Variants in TNRC6B observed in about 807,000 individuals in gnomAD.
The protein encoded by TNRC6B is trinucleotide repeat containing adaptor 6B.
Under a neutral mutation model 203.6 loss-of-function variants are expected in TNRC6B, and 52 were observed. The ratio of observed to expected loss-of-function variants is 0.26; its 90% CI spans 0.20 to 0.32. The LOEUF (loss-of-function observed/expected upper bound fraction) is 0.32. Among genes scored for constraint, TNRC6B ranks in the 10% least tolerant of loss-of-function variants. The probability of loss-of-function intolerance (pLI) is 1.00; values close to 1 mark genes in which losing one functional copy is unlikely to be tolerated. For synonymous variants in TNRC6B, 838 were observed against 845.7 expected, an observed-to-expected ratio of 0.99 and a Z score of 0.16; for missense variants, 1,923 against 2,286.2, an observed-to-expected ratio of 0.84 and a Z score of 3.24.
intron 1 of TNRC6B, among the ~76,000 whole-genome samples, chr22:40,231,862 C>G (rs1008312977): frequency 4.6e-5 from 7 of 152,182 alleles, no homozygotes; most frequent in African/African-American, 1.7e-4. Flanking sequence ...AAAGTCCTGC[C>G]TGTTGTTGCC....
At chr22:40,290,085 TC>T (rs1230410948) in intron 12 of TNRC6B, among the ~76,000 whole-genome samples, 1 of 152,214 alleles carries the variant, frequency 6.6e-6, no homozygotes, top group African/African-American at 2.4e-5. Flanking sequence ...TCCTGCCTGT[TC>T]CCCACCCTGC....
intron 1 of TNRC6B, among the ~76,000 whole-genome samples, chr22:40,211,794 C>T (rs949688519): frequency 2.6e-5 from 4 of 152,106 alleles, no homozygotes; most frequent in African/African-American, 9.7e-5. Flanking sequence ...GAGATATCTC[C>T]ATTTTATATG....
chr22:40,091,945 A>T (rs945998242), intron 1 of TNRC6B, among the ~76,000 whole-genome samples: 1 of 152,240 alleles, frequency 6.6e-6, no homozygotes, highest in Non-Finnish European at 1.5e-5. Flanking sequence ...TAGTGCCTCC[A>T]GGAACCTGCC....
intron 1 of TNRC6B, among the ~76,000 whole-genome samples, chr22:40,110,849 T>G (rs1303094762): frequency 6.6e-6 from 1 of 152,252 alleles, no homozygotes; most frequent in Non-Finnish European, 1.5e-5. Flanking sequence ...AGCTTTGTTT[T>G]TGTAAGCTCA....
chr22:40,163,998 G>A (rs1011959105), intron 4 of TNRC6B, among the ~76,000 whole-genome samples: 1 of 151,996 alleles, frequency 6.6e-6, no homozygotes, highest in African/African-American at 2.4e-5. Flanking sequence ...ATAAATATAT[G>A]TTGAATGAAT....
In TNRC6B at chr22:40,177,928, G is replaced by T; in HGVS notation, c.-208G>T. 1 of 1,353,728 alleles carries T rather than the reference G, an allele frequency of 7.4e-7. No homozygotes were observed. The highest frequency in any genetic ancestry group is 9.5e-7 in the Non-Finnish European group (1 of 1,056,416). 83.9% of individuals were successfully genotyped at this position (1,353,728 alleles called of 1,614,324 possible). A position where few individuals can be genotyped will look rare whatever the true frequency, so the allele number is the denominator to read the frequency against. On this transcript the variant is annotated 5_prime_UTR_variant, in exon 1 of 23. Transcript: ENST00000454349. Reference sequence around the variant, plus strand: ...GTCACAAAAAGCTGCTTCCTTTAGAGACAGAGAGGGAGAGAGAGAGCAAGA... The same window carrying T: ...GTCACAAAAAGCTGCTTCCTTTAGATACAGAGAGGGAGAGAGAGAGCAAGA...
chr22:40,322,759 G>A (rs554851458), intron 22 of TNRC6B, 95 bp from the exon 23 acceptor site: 20 of 1,435,698 alleles, frequency 1.4e-5, no homozygotes, highest in Admixed American at 1.3e-4. Flanking sequence ...CTAGTCAAAG[G>A]ACTGCACATT....
chr22:40,266,105 A>C lies in TNRC6B; in HGVS notation c.1875A>C (p.Gln625His). 6.2e-7 allele frequency: 1 copy of C among 1,613,918 alleles called. No individual in the cohort carries two copies. The highest frequency in any genetic ancestry group is 8.5e-7 in the Non-Finnish European group (1 of 1,179,900). Reference protein sequence around the residue: ...PRVLSNTGWGQTQIKQDTVWD... With the variant: ...PRVLSNTGWGHTQIKQDTVWD... ...TGCTCTCAAACACTGGCTGGGGCCA[A>C]ACTCAAATTAAGCAGGACACAGTGT... Residue 625 changes from glutamine (Q) to histidine (H), a missense_variant, in exon 5 of 23, where the codon CAA becomes CAC. By Grantham distance (24) the Gln-to-His change is conservative. Transcript: ENST00000454349.
intron 1 of TNRC6B, among the ~76,000 whole-genome samples, chr22:40,058,469 C>T (rs751147693): frequency 7.4e-5 from 11 of 148,776 alleles, no homozygotes; most frequent in Admixed American, 1.3e-4. Context: ...CGCCAGCCTG[C>T]GCTTCCTGAA....
chr22:40,266,051 T>G lies in TNRC6B; in HGVS notation c.1821T>G (p.Leu607=). The change falls in exon 5 of 23, where the codon CTT becomes CTG. Residue 607 remains leucine (L), a synonymous_variant. Coordinates refer to ENST00000454349, the MANE Select transcript of TNRC6B (RefSeq NM_001162501.2). Reference sequence around the variant, plus strand: ...ATTGTCAGGCTGTCTTGCAGACTCTTTTGAGCCGAACTGATTTGGACCCCA... The same window carrying G: ...ATTGTCAGGCTGTCTTGCAGACTCTGTTGAGCCGAACTGATTTGGACCCCA... The part of the protein sequence containing the change: ...HPDCQAVLQT[L]LSRTDLDPRV... 1 of 1,613,712 alleles carries G rather than the reference T, an allele frequency of 6.2e-7. No individual in the cohort carries two copies. Among genetic ancestry groups the G allele is most frequent in the Non-Finnish European group, 8.5e-7 (1 of 1,179,898 alleles).
rs149784504 is a variant in TNRC6B at position 40,193,371 on chromosome 22, T to G, written c.5+15231T>G. On this transcript the variant is annotated intron_variant, in intron 1 of 22. Transcript: ENST00000454349. ...TGACTTGAAACAACTCAGCAAATAA[T>G]TAGGAGTGCCTCATATGCTCCAGGA... 2.5e-4 allele frequency among the ~76,000 whole-genome samples: 38 copies of G among 152,294 alleles called. No individual in the cohort carries two copies. In the Middle Eastern group the frequency reaches 0.014, roughly 55 times the overall value.
chr22:40,263,918 C>T (rs550373113), intron 4 of TNRC6B, among the ~76,000 whole-genome samples: 3 of 152,192 alleles, frequency 2.0e-5, no homozygotes, highest in African/African-American at 7.2e-5. Context: ...GCCTAAAAGA[C>T]GCTAACATGG....
intron 1 of TNRC6B, among the ~76,000 whole-genome samples, chr22:40,229,173 G>C (rs2069833238): frequency 6.6e-6 from 1 of 152,202 alleles, no homozygotes; most frequent in Non-Finnish European, 1.5e-5. Flanking sequence ...TTAAAACAAT[G>C]AGATGTAAAG....
At chr22:40,211,141 C>G (rs1042794087) in intron 1 of TNRC6B, among the ~76,000 whole-genome samples, 3 of 152,014 alleles carry the variant, frequency 2.0e-5, no homozygotes, top group African/African-American at 7.3e-5. Context: ...GAGACAGGAT[C>G]TTGCTTTGTC....
chr22:40,227,689 T>C (rs2146445495), intron 1 of TNRC6B, among the ~76,000 whole-genome samples: 1 of 152,288 alleles, frequency 6.6e-6, no homozygotes, highest in South Asian at 2.1e-4. Context: ...TTTACTGTGA[T>C]TTTGATGTTG....
chr22:40,102,063 C>T (rs576901191), intron 1 of TNRC6B, among the ~76,000 whole-genome samples: 6 of 152,274 alleles, frequency 3.9e-5, no homozygotes, highest in Admixed American at 3.3e-4. Context: ...TACTATGGTA[C>T]ATTTGTGTAT....
At chr22:40,079,604 C>T (rs1369853703) in intron 1 of TNRC6B, among the ~76,000 whole-genome samples, 1 of 151,076 alleles carries the variant, frequency 6.6e-6, no homozygotes, top group African/African-American at 2.4e-5. Flanking sequence ...TATGAAGAAG[C>T]AGGTCTAACT....
chr22:40,119,006 A>T (rs2068417879), intron 2 of TNRC6B, among the ~76,000 whole-genome samples: 1 of 152,212 alleles, frequency 6.6e-6, no homozygotes, highest in African/African-American at 2.4e-5. Flanking sequence ...TAAGATGTTC[A>T]TTACGGCTGG....
At chr22:40,302,978 G>T (rs2071042976) in intron 15 of TNRC6B, among the ~76,000 whole-genome samples, 1 of 151,876 alleles carries the variant, frequency 6.6e-6, no homozygotes, top group Admixed American at 6.6e-5. Context: ...AACATGGCGG[G>T]GCCTCCCTTG....
Sources: gnomAD v4.1 joint callset for allele counts (sites outside exome capture counted in the v4.1 genomes callset) on GRCh38, gnomAD v4.1.1 for gene constraint, MANE v1.5 for transcripts, NCBI Gene and HGNC (gene_info 2026-07-23, HGNC 2026-07-21) for gene names.